Variants in MAD1L1 observed in about 807,000 individuals in gnomAD.
The protein encoded by MAD1L1 is mitotic spindle assembly checkpoint protein MAD1.
In MAD1L1, 95 loss-of-function variants were observed where a neutral mutation model predicts 96.9. The observed-to-expected ratio is 0.98, with a 90% CI of 0.83 to 1.16. The LOEUF (loss-of-function observed/expected upper bound fraction) is 1.16. Ranked by LOEUF, MAD1L1 falls within the 50% of genes most tolerant of loss-of-function variation. The pLI is 0.00. For missense variants in MAD1L1, 1,007 were observed against 954.4 expected, an observed-to-expected ratio of 1.06 and a Z score of -0.73; for synonymous variants, 473 against 396.6, an observed-to-expected ratio of 1.19 and a Z score of -2.29.
chr7:2,157,963 G>C (rs976004117), intron 10 of MAD1L1, among the ~76,000 whole-genome samples: 1 of 152,150 alleles, frequency 6.6e-6, no homozygotes, highest in African/African-American at 2.4e-5. Flanking sequence ...TCTGAAACCC[G>C]CACTTCACCA....
At chr7:1,997,145 G>A (rs1781594467) in intron 14 of MAD1L1, among the ~76,000 whole-genome samples, 2 of 152,220 alleles carry the variant, frequency 1.3e-5, no homozygotes, top group South Asian at 4.1e-4. Context: ...AAGAAAGTCA[G>A]AGTGCCTTTG....
chr7:1,971,399 G>A (rs1418404917), intron 15 of MAD1L1, among the ~76,000 whole-genome samples: 1 of 152,118 alleles, frequency 6.6e-6, no homozygotes, highest in African/African-American at 2.4e-5. Flanking sequence ...TTCTCACTAG[G>A]TGAAAACGCG....
intron 18 of MAD1L1, among the ~76,000 whole-genome samples, chr7:1,897,614 C>A (rs116533970): frequency 1.3e-5 from 2 of 152,224 alleles, no homozygotes; most frequent in Admixed American, 6.5e-5. Context: ...GCTGTTGGAC[C>A]CCGCTCGCCC....
intron 11 of MAD1L1, among the ~76,000 whole-genome samples, chr7:2,133,866 G>A (rs577241264): frequency 8.5e-5 from 13 of 152,280 alleles, no homozygotes; most frequent in South Asian, 6.2e-4. Context: ...GGTCTATCTC[G>A]TGGCTCTCTG....
At chr7:2,003,287 T>C (rs1298671568) in intron 13 of MAD1L1, among the ~76,000 whole-genome samples, 1 of 151,976 alleles carries the variant, frequency 6.6e-6, no homozygotes, top group Non-Finnish European at 1.5e-5. Flanking sequence ...AGTGTGGGTA[T>C]GTATATGCAC....
chr7:1,882,063 C>T lies in MAD1L1; in HGVS notation c.1998+16137G>A, dbSNP rs115517111. 8.3e-3 allele frequency among the ~76,000 whole-genome samples: 1,264 copies of T among 152,138 alleles called. 15 individuals are homozygous for T. Among genetic ancestry groups the T allele is most frequent in the African/African-American group, 0.029 (1,207 of 41,492 alleles). On this transcript the variant is annotated intron_variant, in intron 18 of 18. Transcript: ENST00000265854. ...TGAGCCTCCGCCTGCTTGAACCTGGCGGTGGGCAGACACCGTTCACCATGC... is the reference window on the plus strand; with the variant it reads ...TGAGCCTCCGCCTGCTTGAACCTGGTGGTGGGCAGACACCGTTCACCATGC...
chr7:2,152,248 G>GCCCCCA (rs1789613169), intron 10 of MAD1L1, among the ~76,000 whole-genome samples: 1 of 152,160 alleles, frequency 6.6e-6, no homozygotes, highest in African/African-American at 2.4e-5. Context: ...CCGGCTCTCA[G>GCCCCCA]TCCCCATGCG....
chr7:2,007,161 C>G (rs1190913237), intron 13 of MAD1L1, among the ~76,000 whole-genome samples: 1 of 152,158 alleles, frequency 6.6e-6, no homozygotes, highest in Non-Finnish European at 1.5e-5. Flanking sequence ...AGAGAAGAGG[C>G]GCCGAGGTGG....
intron 1 of MAD1L1, among the ~76,000 whole-genome samples, chr7:2,231,426 C>T (rs2115032367): frequency 6.6e-6 from 1 of 151,910 alleles, no homozygotes; most frequent in East Asian, 1.9e-4. Context: ...TCGAGACCAG[C>T]CTGGCCAACA....
chr7:2,001,797 A>G (rs1107592), intron 14 of MAD1L1, among the ~76,000 whole-genome samples: 56,894 of 152,118 alleles, frequency 0.37, 11,009 homozygotes, highest in East Asian at 0.56. Flanking sequence ...CCGTGGCCTC[A>G]TGCGGCAAAC....
chr7:2,074,903 G>T (rs974986200), intron 11 of MAD1L1, among the ~76,000 whole-genome samples: 1 of 152,164 alleles, frequency 6.6e-6, no homozygotes, highest in African/African-American at 2.4e-5. Context: ...TGTCAGAGCC[G>T]GGGACGCTTC....
chr7:2,221,135 T>C (rs1359468923), intron 5 of MAD1L1: 2 of 988,514 alleles, frequency 2.0e-6, no homozygotes, highest in African/African-American at 3.2e-5. Flanking sequence ...AGCGCCACCA[T>C]CTTCCCCTCA....
intron 12 of MAD1L1, among the ~76,000 whole-genome samples, chr7:2,029,358 T>C (rs1191491093): frequency 2.6e-5 from 4 of 152,102 alleles, no homozygotes; most frequent in East Asian, 1.9e-4. Context: ...CATTTTTAAA[T>C]GGGCAGAACT....
At chr7:2,154,972 T>A (rs3800925) in intron 10 of MAD1L1, among the ~76,000 whole-genome samples, 2 of 151,222 alleles carry the variant, frequency 1.3e-5, no homozygotes, top group African/African-American at 2.4e-5. Context: ...CCAAGCGGGG[T>A]GGGGAGGAGG....
At chr7:2,014,434 G>T (rs937650078) in intron 13 of MAD1L1, 68 bp downstream of exon 13, 2 of 1,487,372 alleles carry the variant, frequency 1.3e-6, no homozygotes, top group East Asian at 2.4e-5. Flanking sequence ...CCCGCCGCAG[G>T]CTCTGCCAAG....
chr7:1,919,096 C>G (rs759127405), intron 17 of MAD1L1, among the ~76,000 whole-genome samples: 1 of 152,256 alleles, frequency 6.6e-6, no homozygotes, highest in African/African-American at 2.4e-5. Flanking sequence ...TCCCAGGAGT[C>G]TGCAGAGATC....
chr7:1,957,874 A>G (rs561379458), intron 15 of MAD1L1, among the ~76,000 whole-genome samples, 155 bp from the exon 16 acceptor site: 1 of 152,388 alleles, frequency 6.6e-6, no homozygotes, highest in East Asian at 1.9e-4. Context: ...GTCCAGCGAT[A>G]ACATCAAGAG....
At chr7:1,844,841 A>T (rs1783500531) in intron 18 of MAD1L1, among the ~76,000 whole-genome samples, 1 of 149,286 alleles carries the variant, frequency 6.7e-6, no homozygotes, top group African/African-American at 2.6e-5. Flanking sequence ...CCACTCCAGC[A>T]CCTGAGCGTG....
chr7:2,077,596 G>C (rs901305876), intron 11 of MAD1L1, among the ~76,000 whole-genome samples: 5 of 152,264 alleles, frequency 3.3e-5, no homozygotes, highest in African/African-American at 1.2e-4. Context: ...CAGCGGTTGG[G>C]AGGGCTGCGA....
Sources: allele counts gnomAD v4.1 joint callset (sites outside exome capture counted in the v4.1 genomes callset), GRCh38; gene constraint gnomAD v4.1.1; transcripts MANE v1.5; gene names NCBI Gene and HGNC (gene_info 2026-07-23, HGNC 2026-07-21).